MAEL: variants seen among roughly 807,000 people sequenced by gnomAD.
The protein encoded by MAEL is maelstrom spermatogenic transposon silencer.
Under a neutral mutation model 62.0 loss-of-function variants are expected in MAEL, and 46 were observed. That is an observed-to-expected ratio of 0.74 (90% CI 0.59 to 0.95). The LOEUF is 0.95. Ranked by LOEUF, MAEL falls within the 40% of genes least tolerant of loss-of-function variation. The pLI is 0.00. For synonymous variants in MAEL, 172 were observed against 175.5 expected (o/e 0.98, Z 0.16); for missense variants, 497 against 526.8 (o/e 0.94, Z 0.55).
At chr1:166,989,624 G>T in intron 1 of MAEL, 113 bp from the exon 2 acceptor site, 2 of 1,470,250 alleles carry the variant, frequency 1.4e-6, no homozygotes, top group Non-Finnish European at 1.8e-6. Context: ...TGTGGCCCTG[G>T]GCAAACCGAC....
chr1:166,976,637 G>A (rs149430662), intron 1 of MAEL, among the ~76,000 whole-genome samples: 5 of 152,266 alleles, frequency 3.3e-5, no homozygotes, highest in Non-Finnish European at 7.4e-5. Context: ...GGTGGAAAGG[G>A]GGCAGGCGAG....
intron 1 of MAEL, 94 bp downstream of exon 1, chr1:166,989,578 G>T (rs1664069396): frequency 1.3e-6 from 2 of 1,515,590 alleles, no homozygotes; most frequent in Non-Finnish European, 1.8e-6. Flanking sequence ...AGGTCAGGCG[G>T]CTTGGCCCTG....
chr1:167,021,090 A>T lies in MAEL; in HGVS notation c.1047A>T (p.Leu349=), dbSNP rs1665610395. ...TATTTTCCTGTTACTTACAGAAGCT[A>T]AGGGTTGGGAGTTCAGGATTCTCTC... is the stretch of plus-strand genomic sequence containing the variant. ...VVLDAGRYQK[L]RVGSSGFSHF... The change falls in exon 11 of 12, where the codon CTA becomes CTT. Residue 349 remains leucine (L), a synonymous_variant. Coordinates refer to ENST00000367872, the MANE Select transcript of MAEL (RefSeq NM_032858.3). The T allele has an allele frequency of 1.1e-5, 17 of 1,610,442 alleles. No homozygotes were observed. The East Asian group carries it at 3.8e-4, about 36-fold the overall frequency.
At chr1:167,021,312 TAAAC>T (rs1665620372) in intron 11 of MAEL, 152 bp downstream of exon 11, 1 of 639,892 alleles carries the variant, frequency 1.6e-6, no homozygotes, top group South Asian at 2.1e-5. Context: ...ATTAGCACCT[TAAAC>T]AATTTAGATG....
rs528794760 is a variant in MAEL at position 167,022,141 on chromosome 1, G to A, written c.*286G>A. ...CTGACATTTTTAGAGTTGTACTTTT[G>A]GGAATGTTATAGATTGATCATTCTT... On this transcript the variant is annotated 3_prime_UTR_variant, in exon 12 of 12. Transcript: ENST00000367872. The A allele has an allele frequency of 7.1e-6, 2 of 283,620 alleles. No individual in the cohort carries two copies. The highest frequency in any genetic ancestry group is 4.8e-5 in the Admixed American group (1 of 20,844). The allele number at this position is 283,620 out of a possible 1,614,324, so 17.6% of individuals were successfully genotyped here.
intron 5 of MAEL, among the ~76,000 whole-genome samples, chr1:167,003,042 G>A (rs953627137): frequency 2.0e-5 from 3 of 152,090 alleles, no homozygotes; most frequent in African/African-American, 7.2e-5. Context: ...TATTTGTTCA[G>A]CTTTTCCCTA....
At chr1:166,983,216 T>C (rs1390283405) in intron 1 of MAEL, among the ~76,000 whole-genome samples, 2 of 152,182 alleles carry the variant, frequency 1.3e-5, no homozygotes, top group Non-Finnish European at 2.9e-5. Flanking sequence ...TAAATATCTA[T>C]TGAATAAATG....
chr1:167,020,417 C>T (rs548520956), intron 10 of MAEL, among the ~76,000 whole-genome samples: 3 of 152,260 alleles, frequency 2.0e-5, no homozygotes, highest in African/African-American at 7.2e-5. Context: ...CCACGCTGAC[C>T]GATCTTACTG....
intron 8 of MAEL, among the ~76,000 whole-genome samples, chr1:167,006,828 G>A (rs1184625581): frequency 6.6e-6 from 1 of 151,328 alleles, no homozygotes; most frequent in Non-Finnish European, 1.5e-5. Flanking sequence ...TAGAGATGTG[G>A]TTTCACCATG....
chr1:166,975,837 C>T (rs541110069), intron 1 of MAEL, among the ~76,000 whole-genome samples: 1 of 152,214 alleles, frequency 6.6e-6, no homozygotes, highest in Non-Finnish European at 1.5e-5. Flanking sequence ...TGGCTGGGGA[C>T]TCGAGCAGGG....
At chr1:167,000,447 C>T (rs1664613841) in intron 5 of MAEL, among the ~76,000 whole-genome samples, 1 of 152,158 alleles carries the variant, frequency 6.6e-6, no homozygotes, top group South Asian at 2.1e-4. Context: ...TAAGGAGTTG[C>T]TTCTTATGGG....
upstream of MAEL, among the ~76,000 whole-genome samples, chr1:166,987,562 A>G (rs1663963225): frequency 6.6e-6 from 1 of 152,196 alleles, no homozygotes; most frequent in Non-Finnish European, 1.5e-5. Context: ...AGTATAAGAA[A>G]CTGTCAACCA....
intron 8 of MAEL, among the ~76,000 whole-genome samples, chr1:167,009,442 G>C (rs1665070975): frequency 6.6e-6 from 1 of 152,062 alleles, no homozygotes. Flanking sequence ...GGAGTTAGTT[G>C]ATCATTTTGC....
chr1:166,994,509 G>T (rs562982039), intron 5 of MAEL, among the ~76,000 whole-genome samples: 1 of 152,276 alleles, frequency 6.6e-6, no homozygotes, highest in African/African-American at 2.4e-5. Flanking sequence ...GCATGACTGT[G>T]TATATCTAAG....
At chr1:167,021,638 A>G in intron 11 of MAEL, 30 bp from the exon 12 acceptor site, 2 of 1,481,016 alleles carry the variant, frequency 1.4e-6, no homozygotes, top group South Asian at 1.3e-5. Context: ...AAATTGCTAT[A>G]TCTCTTTTCT....
intron 3 of MAEL, among the ~76,000 whole-genome samples, chr1:166,992,066 C>T (rs1664197594): frequency 6.6e-6 from 1 of 152,088 alleles, no homozygotes; most frequent in Non-Finnish European, 1.5e-5. Flanking sequence ...AATTATGGAA[C>T]TTGCCAAGAA....
chr1:166,982,924 T>A (rs1258292588), intron 1 of MAEL, among the ~76,000 whole-genome samples: 1 of 152,234 alleles, frequency 6.6e-6, no homozygotes, highest in Non-Finnish European at 1.5e-5. Context: ...TCCAGATATC[T>A]TCATGGTTTG....
chr1:167,002,194 T>G (rs1298694228), intron 5 of MAEL, among the ~76,000 whole-genome samples: 1 of 152,206 alleles, frequency 6.6e-6, no homozygotes, highest in Non-Finnish European at 1.5e-5. Flanking sequence ...TATTTTGTTT[T>G]AGGACTTTTC....
rs554352319 is a variant in MAEL, at chr1:167,000,702, A to AT, written c.524-3474dup. Among the ~76,000 whole-genome samples the AT allele has an allele frequency of 1.6e-3, 245 of 152,366 alleles. 3 individuals are homozygous for AT. The highest frequency in any genetic ancestry group is 5.6e-3 in the African/African-American group (234 of 41,588). ...TCAGTGTGTCAAACTTCATTGTTTG[A>AT]TTTTAAGAAATTGCCACAGCAACTG... On this transcript the variant is annotated intron_variant, in intron 5 of 11. Coordinates refer to ENST00000367872, the MANE Select transcript of MAEL (RefSeq NM_032858.3).
Sources: gnomAD v4.1 joint callset for allele counts (sites outside exome capture counted in the v4.1 genomes callset) on GRCh38, gnomAD v4.1.1 for gene constraint, MANE v1.5 for transcripts, NCBI Gene and HGNC (gene_info 2026-07-23, HGNC 2026-07-21) for gene names.